Variants in ANO4 observed in about 807,000 individuals in gnomAD.
The protein encoded by ANO4 is anoctamin 4.
In ANO4, 69 loss-of-function variants were observed where a neutral mutation model predicts 141.9. The observed-to-expected ratio is 0.49, with a 90% CI of 0.40 to 0.59. The LOEUF is 0.59. Ranked by LOEUF, ANO4 falls within the 20% of genes least tolerant of loss-of-function variation. The probability of loss-of-function intolerance (pLI) is 0.00; values close to 1 mark genes in which losing one functional copy is unlikely to be tolerated. For synonymous variants in ANO4, 350 were observed against 394.3 expected, an observed-to-expected ratio of 0.89 and a Z score of 1.33; for missense variants, 894 against 1,162.2, an observed-to-expected ratio of 0.77 and a Z score of 3.36.
intron 5 of ANO4, among the ~76,000 whole-genome samples, chr12:100,950,009 C>A (rs2042904193): frequency 6.6e-6 from 1 of 152,142 alleles, no homozygotes; most frequent in African/African-American, 2.4e-5. Context: ...ACTTCCTGCC[C>A]AAATTACCCT....
intron 2 of ANO4, among the ~76,000 whole-genome samples, chr12:100,902,520 G>A (rs1292780811): frequency 6.6e-6 from 1 of 152,170 alleles, no homozygotes; most frequent in Non-Finnish European, 1.5e-5. Context: ...CCTGCAAAGT[G>A]ACTTTATAGA....
chr12:100,917,995 A>G (rs941437301), intron 2 of ANO4, among the ~76,000 whole-genome samples: 1 of 152,032 alleles, frequency 6.6e-6, no homozygotes, highest in East Asian at 1.9e-4. Flanking sequence ...CCACAATCCC[A>G]CTCTTGAATT....
At chr12:100,980,030 A>G (rs531521402) in intron 7 of ANO4, among the ~76,000 whole-genome samples, 17 of 151,528 alleles carry the variant, frequency 1.1e-4, no homozygotes, top group Admixed American at 8.5e-4. Context: ...GTGAGCCACC[A>G]CGCCCGGCCG....
intron 5 of ANO4, among the ~76,000 whole-genome samples, chr12:100,964,441 AT>A (rs2043560032): frequency 6.6e-6 from 1 of 151,718 alleles, no homozygotes; most frequent in African/African-American, 2.4e-5. Context: ...CGTCTCTATC[AT>A]TACTATTCAT....
At chr12:100,927,000 T>C (rs1471026508) in intron 3 of ANO4, among the ~76,000 whole-genome samples, 3 of 152,130 alleles carry the variant, frequency 2.0e-5, no homozygotes, top group Non-Finnish European at 4.4e-5. Context: ...CTCATCTTCC[T>C]GTTTCTTTGT....
chr12:100,790,030 G>A (rs2033993781), upstream of ANO4, among the ~76,000 whole-genome samples: 1 of 152,194 alleles, frequency 6.6e-6, no homozygotes, highest in African/African-American at 2.4e-5. Context: ...CGTGAAGATG[G>A]CATTGAACTG....
intron 13 of ANO4, among the ~76,000 whole-genome samples, chr12:101,045,553 C>G (rs1261181237): frequency 6.6e-6 from 1 of 152,148 alleles, no homozygotes; most frequent in African/African-American, 2.4e-5. Flanking sequence ...AATATTAAAT[C>G]AGATTGGCGC....
chr12:101,087,542 A>G (rs2049557047), intron 17 of ANO4, among the ~76,000 whole-genome samples: 1 of 152,096 alleles, frequency 6.6e-6, no homozygotes, highest in Admixed American at 6.6e-5. Flanking sequence ...AAAAACAAAC[A>G]AAAACCAAAG....
intron 1 of ANO4, among the ~76,000 whole-genome samples, chr12:100,809,823 A>G (rs1036975417): frequency 6.6e-6 from 1 of 152,208 alleles, no homozygotes. Flanking sequence ...ATGGGTATAA[A>G]ATCAGGAATA....
intron 1 of ANO4, among the ~76,000 whole-genome samples, chr12:100,806,928 T>C (rs1431742901): frequency 1.3e-5 from 2 of 152,176 alleles, no homozygotes; most frequent in Non-Finnish European, 2.9e-5. Context: ...TTGTCTTTGA[T>C]ATTGTTTATG....
chr12:101,016,479 C>CATG (rs148279075), intron 8 of ANO4, among the ~76,000 whole-genome samples: 100 of 152,174 alleles, frequency 6.6e-4, no homozygotes, highest in African/African-American at 2.2e-3. Flanking sequence ...CAAACACCTC[C>CATG]CACCAGACCC....
At chr12:100,995,702 TAA>T (rs2045339035) in intron 8 of ANO4, among the ~76,000 whole-genome samples, 1 of 152,196 alleles carries the variant, frequency 6.6e-6, no homozygotes, top group African/African-American at 2.4e-5. Flanking sequence ...CCCCTTGAAA[TAA>T]AGTCTGCCTT....
At chr12:101,106,488 G>A (rs1187964677) in intron 22 of ANO4, among the ~76,000 whole-genome samples, 1 of 151,012 alleles carries the variant, frequency 6.6e-6, no homozygotes, top group African/African-American at 2.4e-5. Context: ...ATGATATTAT[G>A]TAAAGTTTAG....
chr12:100,917,385 G>A (rs2041394990), intron 2 of ANO4, among the ~76,000 whole-genome samples: 1 of 151,988 alleles, frequency 6.6e-6, no homozygotes. Flanking sequence ...TCAAGTCTTT[G>A]TGTTCTGATC....
At chr12:101,112,983 GA>G (rs1156461025) in intron 24 of ANO4, among the ~76,000 whole-genome samples, 6 of 152,184 alleles carry the variant, frequency 3.9e-5, no homozygotes, top group African/African-American at 1.4e-4. Context: ...GGCTTAGCCT[GA>G]AAAAGCTTAC....
chr12:101,077,665 G>GA (rs1294670252), intron 14 of ANO4, among the ~76,000 whole-genome samples: 1 of 152,076 alleles, frequency 6.6e-6, no homozygotes, highest in African/African-American at 2.4e-5. Context: ...GAGGCCTGGG[G>GA]AATACATACT....
At chr12:101,042,491 T>C in intron 12 of ANO4, 23 bp downstream of exon 12, 1 of 1,613,670 alleles carries the variant, frequency 6.2e-7, no homozygotes, top group South Asian at 1.1e-5. Context: ...CTTGGATGAG[T>C]TTGCCTTTGT....
At chr12:101,029,573 A>C (rs949902384) in intron 9 of ANO4, among the ~76,000 whole-genome samples, 1 of 152,328 alleles carries the variant, frequency 6.6e-6, no homozygotes, top group East Asian at 1.9e-4. Context: ...AGATCAAAAA[A>C]GACAAGGTCA....
chr12:100,979,400 T>C (rs917184862), intron 7 of ANO4, among the ~76,000 whole-genome samples: 2 of 152,002 alleles, frequency 1.3e-5, no homozygotes, highest in Non-Finnish European at 2.9e-5. Flanking sequence ...TGCACTTCCA[T>C]CAAGATCCCA....
Sources: allele counts gnomAD v4.1 joint callset (sites outside exome capture counted in the v4.1 genomes callset), GRCh38; gene constraint gnomAD v4.1.1; transcripts MANE v1.5; gene names NCBI Gene and HGNC (gene_info 2026-07-23, HGNC 2026-07-21).